NALCN: variants seen among roughly 807,000 people sequenced by gnomAD.
The protein encoded by NALCN is sodium leak channel, non-selective, also known as sodium leak channel NALCN.
Under a neutral mutation model 225.3 loss-of-function variants are expected in NALCN, and 111 were observed. The ratio of observed to expected loss-of-function variants is 0.49; its 90% CI spans 0.42 to 0.58. The LOEUF (loss-of-function observed/expected upper bound fraction) is 0.58. NALCN is among the 20% of genes least tolerant of loss of function. The pLI is 0.00. For missense variants in NALCN, 1,378 were observed against 2,202.4 expected (o/e 0.63, Z 7.49); for synonymous variants, 764 against 769.0 (o/e 0.99, Z 0.11).
Position 101,054,954 on chromosome 13 carries a change from C to A in NALCN, c.*341G>T, listed in dbSNP as rs746242073. On this transcript the variant is annotated 3_prime_UTR_variant, in exon 44 of 44. Coordinates refer to ENST00000251127, the MANE Select transcript of NALCN (RefSeq NM_052867.4). Reference sequence around the variant, plus strand: ...CCACTTTGGGCTTAGCACTCTTTTGCGGGGCGGTGATAATACTGCATTAGA... The same window carrying A: ...CCACTTTGGGCTTAGCACTCTTTTGAGGGGCGGTGATAATACTGCATTAGA... 3 of 198,490 alleles carry A rather than the reference C, an allele frequency of 1.5e-5. No homozygotes were observed. Among genetic ancestry groups the A allele is most frequent in the Non-Finnish European group, 3.0e-5 (3 of 98,758 alleles). 12.3% of individuals were successfully genotyped at this position (198,490 alleles called of 1,614,324 possible).
At position 101,068,308 on chromosome 13, in the gene NALCN, A is replaced by G. The variant is rs547973083; in HGVS notation, c.4331-275T>C. Among the ~76,000 whole-genome samples the G allele has an allele frequency of 3.3e-5, 5 of 152,302 alleles. 1 individual carries two copies. In the South Asian group the frequency reaches 1.0e-3, roughly 32 times the overall value. ...GCCAGCTGGCTTTAACTCTTAGTTG[A>G]GAGTTCCAGGGCCATTTTTAAAGGT... On this transcript the variant is annotated intron_variant, in intron 38 of 43. Coordinates refer to ENST00000251127, the MANE Select transcript of NALCN (RefSeq NM_052867.4).
chr13:101,118,100 G>A (rs1846839164), intron 18 of NALCN, among the ~76,000 whole-genome samples: 2 of 152,114 alleles, frequency 1.3e-5, no homozygotes. Flanking sequence ...TGATGTGTCA[G>A]TGTAGGTTCA....
intron 2 of NALCN, among the ~76,000 whole-genome samples, chr13:101,395,802 G>T (rs867836403): frequency 6.6e-6 from 1 of 151,730 alleles, no homozygotes; most frequent in African/African-American, 2.4e-5. Flanking sequence ...TGTACTATAA[G>T]TACCTAGAAT....
At chr13:101,057,878 C>T in intron 43 of NALCN, 61 bp downstream of exon 43, 2 of 1,344,442 alleles carry the variant, frequency 1.5e-6, no homozygotes, top group Non-Finnish European at 1.1e-6. Flanking sequence ...CCAAAACACA[C>T]AAACAGAGTA....
intron 10 of NALCN, among the ~76,000 whole-genome samples, chr13:101,279,822 ATAAAT>A (rs1361369966): frequency 7.0e-4 from 97 of 137,618 alleles, no homozygotes; most frequent in African/African-American, 2.0e-3. Flanking sequence ...GTCTCAAAAA[ATAAAT>A]AAATAAATAA....
At chr13:101,208,292 T>G (rs2040397590) in intron 13 of NALCN, among the ~76,000 whole-genome samples, 1 of 152,204 alleles carries the variant, frequency 6.6e-6, no homozygotes, top group Admixed American at 6.5e-5. Context: ...GCTTCACTCC[T>G]GAGGCCAGCG....
At chr13:101,212,041 T>C (rs2040544535) in intron 13 of NALCN, among the ~76,000 whole-genome samples, 1 of 152,050 alleles carries the variant, frequency 6.6e-6, no homozygotes, top group Non-Finnish European at 1.5e-5. Context: ...TGTGTCACAG[T>C]TCCAACCACT....
In NALCN at chr13:101,413,640, A is replaced by T. The variant is rs2047849551; in HGVS notation, c.-40+2673T>A. ...AGCCCTTAAAAAGACTACAAAAAAC[A>T]CACAGATATTGTGGTCATCTGTCTT... is the stretch of plus-strand genomic sequence containing the variant. On this transcript the variant is annotated intron_variant, in intron 1 of 43. Coordinates refer to ENST00000251127, the MANE Select transcript of NALCN (RefSeq NM_052867.4). 2.6e-5 allele frequency among the ~76,000 whole-genome samples: 4 copies of T among 152,308 alleles called. No homozygotes were observed. The South Asian group carries it at 8.3e-4, about 32-fold the overall frequency.
At chr13:101,185,057 G>C (rs545098224) in intron 14 of NALCN, among the ~76,000 whole-genome samples, 1 of 151,972 alleles carries the variant, frequency 6.6e-6, no homozygotes, top group Non-Finnish European at 1.5e-5. Context: ...CCACACTCTT[G>C]TGTTTTTCTT....
intron 6 of NALCN, among the ~76,000 whole-genome samples, chr13:101,345,794 AGAGAGACCTT>A (rs1290921070): frequency 7.0e-6 from 1 of 142,208 alleles, no homozygotes. Context: ...AGAGAGAGAA[AGAGAGACCTT>A]GAGAGACCTT....
chr13:101,269,011 GA>G (rs1452890692), intron 10 of NALCN, among the ~76,000 whole-genome samples: 1 of 152,070 alleles, frequency 6.6e-6, no homozygotes, highest in Non-Finnish European at 1.5e-5. Context: ...TATGGATTAA[GA>G]ACTCAATACC....
chr13:101,083,469 A>G (rs1207999144), intron 31 of NALCN, among the ~76,000 whole-genome samples: 1 of 152,212 alleles, frequency 6.6e-6, no homozygotes, highest in African/African-American at 2.4e-5. Flanking sequence ...AAGAGCAAAT[A>G]TATTTTATTT....
chr13:101,273,912 ATG>A (rs1239932772), intron 10 of NALCN, among the ~76,000 whole-genome samples: 8 of 150,958 alleles, frequency 5.3e-5, no homozygotes, highest in Non-Finnish European at 1.2e-4. Context: ...AAAAAAGAAA[ATG>A]TGTGGCCCTT....
intron 17 of NALCN, among the ~76,000 whole-genome samples, chr13:101,134,039 G>A (rs889220661): frequency 7.2e-5 from 11 of 152,176 alleles, no homozygotes; most frequent in Non-Finnish European, 1.3e-4. Flanking sequence ...GCATGGTGGC[G>A]GGCGCCTGTA....
chr13:101,226,866 G>A (rs570632948), intron 13 of NALCN, among the ~76,000 whole-genome samples: 1 of 152,240 alleles, frequency 6.6e-6, no homozygotes, highest in Non-Finnish European at 1.5e-5. Context: ...CCCAGATGAG[G>A]CACTTTCCTC....
At chr13:101,367,016 C>T (rs921109249) in intron 6 of NALCN, among the ~76,000 whole-genome samples, 19 of 152,054 alleles carry the variant, frequency 1.2e-4, no homozygotes, top group Non-Finnish European at 2.2e-4. Context: ...TCCACATATG[C>T]GTGAGATCAT....
At chr13:101,325,944 T>G (rs1389853798) in intron 7 of NALCN, among the ~76,000 whole-genome samples, 1 of 152,246 alleles carries the variant, frequency 6.6e-6, no homozygotes, top group Non-Finnish European at 1.5e-5. Flanking sequence ...TGCTTGAGAC[T>G]TGAGAGTTCA....
chr13:101,302,967 G>C (rs1366735320), intron 7 of NALCN, among the ~76,000 whole-genome samples: 1 of 151,970 alleles, frequency 6.6e-6, no homozygotes, highest in African/African-American at 2.4e-5. Flanking sequence ...CATGTATTAA[G>C]TTATGCTGCC....
At chr13:101,392,004 CA>C (rs534647076) in intron 3 of NALCN, among the ~76,000 whole-genome samples, 1,384 of 134,662 alleles carry the variant, frequency 0.01, 15 homozygotes, top group Middle Eastern at 0.018. Flanking sequence ...AAAACAAAAA[CA>C]AAAAAAAAAC....
Sources: allele counts gnomAD v4.1 joint callset (sites outside exome capture counted in the v4.1 genomes callset), GRCh38; gene constraint gnomAD v4.1.1; transcripts MANE v1.5; gene names NCBI Gene and HGNC (gene_info 2026-07-23, HGNC 2026-07-21).